Variants in NCR3LG1 observed in about 807,000 individuals in gnomAD.
NCR3LG1 encodes natural killer cell cytotoxicity receptor 3 ligand 1.
Under a neutral mutation model 34.8 loss-of-function variants are expected in NCR3LG1, and 35 were observed. That is an observed-to-expected ratio of 1.01 (90% CI 0.77 to 1.33). NCR3LG1 has a LOEUF of 1.33. Among genes scored for constraint, NCR3LG1 ranks in the 40% most tolerant of loss-of-function variants. NCR3LG1 has a pLI of 0.00. For synonymous variants in NCR3LG1, 173 were observed against 163.6 expected (o/e 1.06, Z -0.44); for missense variants, 452 against 423.3 (o/e 1.07, Z -0.60).
chr11:17,352,113 A>C, intron 1 of NCR3LG1, 74 bp downstream of exon 1: 1 of 1,022,252 alleles, frequency 9.8e-7, no homozygotes, highest in Non-Finnish European at 1.4e-6. Context: ...GCTCCCTAGC[A>C]TCCCGCCAGG....
intron 2 of NCR3LG1, among the ~76,000 whole-genome samples, chr11:17,357,480 C>G (rs891445664): frequency 2.0e-5 from 3 of 152,126 alleles, no homozygotes; most frequent in African/African-American, 7.2e-5. Flanking sequence ...TCTGGGAGGA[C>G]ATAAGAATTT....
rs1258481524 is a variant in NCR3LG1, at chr11:17,368,734, T to C, written c.761-133T>C. On this transcript the variant is annotated intron_variant, in intron 3 of 4. Transcript: ENST00000338965. Reference sequence around the variant, plus strand: ...TGATAGGAATGGAGATGCTGAGACATGTGGCAGAGGGCTGGTGGTTAAATC... The same window carrying C: ...TGATAGGAATGGAGATGCTGAGACACGTGGCAGAGGGCTGGTGGTTAAATC... 3 of 679,312 alleles carry C rather than the reference T, an allele frequency of 4.4e-6. No homozygotes were observed. The African/African-American group carries it at 5.5e-5, about 12-fold the overall frequency. 42.1% of individuals were successfully genotyped at this position (679,312 alleles called of 1,614,324 possible).
intron 2 of NCR3LG1, among the ~76,000 whole-genome samples, chr11:17,366,721 T>A (rs1953347853): frequency 6.6e-6 from 1 of 152,196 alleles, no homozygotes; most frequent in African/African-American, 2.4e-5. Context: ...TTGCATTCAG[T>A]CACTCACATG....
At chr11:17,360,418 T>C (rs1730228678) in intron 2 of NCR3LG1, among the ~76,000 whole-genome samples, 2 of 152,234 alleles carry the variant, frequency 1.3e-5, no homozygotes, top group Non-Finnish European at 2.9e-5. Context: ...TACATTTTTC[T>C]TTCATGGATC....
chr11:17,371,429 T>G (rs1953404595), intron 4 of NCR3LG1, among the ~76,000 whole-genome samples: 1 of 152,148 alleles, frequency 6.6e-6, no homozygotes, highest in Non-Finnish European at 1.5e-5. Flanking sequence ...AAACTCCTCT[T>G]TCAACAGCCA....
chr11:17,360,265 A>T lies in NCR3LG1; in HGVS notation c.421+3264A>T, dbSNP rs563457158. On this transcript the variant is annotated intron_variant, in intron 2 of 4. Transcript: ENST00000338965. Reference sequence around the variant, plus strand: ...ATTTTTTAAATTGTTGTGTTTTAAGAGTCCTTTGTACATTCTGGATACAAG... The same window carrying T: ...ATTTTTTAAATTGTTGTGTTTTAAGTGTCCTTTGTACATTCTGGATACAAG... Among the ~76,000 whole-genome samples the T allele has an allele frequency of 5.3e-5, 8 of 152,354 alleles. No homozygotes were observed. In the South Asian group the frequency reaches 1.7e-3, roughly 32 times the overall value.
chr11:17,351,901 T>G lies in NCR3LG1; in HGVS notation c.-69T>G, dbSNP rs1953138488. On this transcript the variant is annotated 5_prime_UTR_variant, in exon 1 of 5. Coordinates refer to ENST00000338965, the MANE Select transcript of NCR3LG1 (RefSeq NM_001202439.3). Reference sequence around the variant, plus strand: ...TCTTTACGCAACAGAGGTCTCCCCCTGCCCTTGGTTTCTACCGGGCCGCCT... The same window carrying G: ...TCTTTACGCAACAGAGGTCTCCCCCGGCCCTTGGTTTCTACCGGGCCGCCT... 2.4e-6 allele frequency: 3 copies of G among 1,239,314 alleles called. No individual in the cohort carries two copies. The highest frequency in any genetic ancestry group is 2.6e-5 in the South Asian group (2 of 77,664). The allele number at this position is 1,239,314 out of a possible 1,614,324, so 76.8% of individuals were successfully genotyped here.
At chr11:17,379,945 C>A (rs1953505315), downstream of NCR3LG1, among the ~76,000 whole-genome samples, 2 of 152,120 alleles carry the variant, frequency 1.3e-5, no homozygotes, top group South Asian at 4.1e-4. Flanking sequence ...TGGGCTCCAG[C>A]TACAGATCTC....
Position 17,374,754 on chromosome 11 carries a change from A to T in NCR3LG1, c.*2242A>T, listed in dbSNP as rs968969016. The T allele has an allele frequency of 6.6e-6, 1 of 152,188 alleles. No individual in the cohort carries two copies. Among genetic ancestry groups the T allele is most frequent in the Non-Finnish European group, 1.5e-5 (1 of 68,022 alleles). 9.4% of individuals were successfully genotyped at this position (152,188 alleles called of 1,614,324 possible). A position where few individuals can be genotyped will look rare whatever the true frequency, so the allele number is the denominator to read the frequency against. ...TATGATAAAATAGGTTGCCCTTTAT[A>T]TCACCTTATAAAAGAAATTCAAGTG... is the stretch of plus-strand genomic sequence containing the variant. On this transcript the variant is annotated 3_prime_UTR_variant, in exon 5 of 5. Coordinates refer to ENST00000338965, the MANE Select transcript of NCR3LG1 (RefSeq NM_001202439.3).
Position 17,366,999 on chromosome 11 carries a change from TCCC to T in NCR3LG1, c.422-9_422-7del. Reference sequence around the variant, plus strand: ...GGGCCCAACTCTGTATGATTTTTTTTCCCTGACAGCTTCCCCAGCCAGCAGATT... The same window carrying T: ...GGGCCCAACTCTGTATGATTTTTTTTTGACAGCTTCCCCAGCCAGCAGATT... On this transcript the variant is annotated splice_polypyrimidine_tract_variant and splice_region_variant and intron_variant, in intron 2 of 4. Coordinates refer to ENST00000338965, the MANE Select transcript of NCR3LG1 (RefSeq NM_001202439.3). 2.0e-6 allele frequency: 3 copies of T among 1,526,598 alleles called. No homozygotes were observed. In the Admixed American group the frequency reaches 5.9e-5, roughly 30 times the overall value. 94.6% of individuals were successfully genotyped at this position (1,526,598 alleles called of 1,614,324 possible).
At chr11:17,361,579 C>A (rs911371502) in intron 2 of NCR3LG1, among the ~76,000 whole-genome samples, 1 of 152,110 alleles carries the variant, frequency 6.6e-6, no homozygotes, top group Non-Finnish European at 1.5e-5. Flanking sequence ...GCCACCACAC[C>A]TGGCCAATGG....
Position 17,372,643 on chromosome 11 carries a change from T to G in NCR3LG1, c.*131T>G, listed in dbSNP as rs1953425259. 1 of 590,924 alleles carries G rather than the reference T, an allele frequency of 1.7e-6. No individual in the cohort carries two copies. The highest frequency in any genetic ancestry group is 3.0e-6 in the Non-Finnish European group (1 of 332,168). 36.6% of individuals were successfully genotyped at this position (590,924 alleles called of 1,614,324 possible). On this transcript the variant is annotated 3_prime_UTR_variant, in exon 5 of 5. Transcript: ENST00000338965. ...ATATAGAGGCTTTCCAAAACCTAAC[T>G]CAGGTGTTTGACCTTACTTGGGGTG...
At position 17,351,856 on chromosome 11, in the gene NCR3LG1, C is replaced by T; in HGVS notation, c.-114C>T. 1 of 827,676 alleles carries T rather than the reference C, an allele frequency of 1.2e-6. No individual in the cohort carries two copies. The highest frequency in any genetic ancestry group is 1.5e-5 in the South Asian group (1 of 66,256). The allele number at this position is 827,676 out of a possible 1,614,324, so 51.3% of individuals were successfully genotyped here. A position where few individuals can be genotyped will look rare whatever the true frequency, so the allele number is the denominator to read the frequency against. On this transcript the variant is annotated 5_prime_UTR_variant, in exon 1 of 5. Coordinates refer to ENST00000338965, the MANE Select transcript of NCR3LG1 (RefSeq NM_001202439.3). ...TGTGCAAAAGCGCCGGCTGGAAATCCCGGCTGTGTCTCCGTCAACTCTTTA... is the reference window on the plus strand; with the variant it reads ...TGTGCAAAAGCGCCGGCTGGAAATCTCGGCTGTGTCTCCGTCAACTCTTTA...
chr11:17,357,475 G>A (rs1311091823), intron 2 of NCR3LG1, among the ~76,000 whole-genome samples: 3 of 152,152 alleles, frequency 2.0e-5, no homozygotes, highest in East Asian at 1.9e-4. Flanking sequence ...GGAATTCTGG[G>A]AGGACATAAG....
At chr11:17,352,475 TG>T (rs1450096092) in intron 1 of NCR3LG1, among the ~76,000 whole-genome samples, 1 of 151,682 alleles carries the variant, frequency 6.6e-6, no homozygotes, top group African/African-American at 2.4e-5. Flanking sequence ...GCGCCCGGCC[TG>T]GGGGCTCTAT....
intron 4 of NCR3LG1, among the ~76,000 whole-genome samples, chr11:17,371,353 C>G (rs1953403852): frequency 6.6e-6 from 1 of 152,156 alleles, no homozygotes; most frequent in Non-Finnish European, 1.5e-5. Context: ...CTCTAGTTCC[C>G]TGATTCCTTT....
intron 2 of NCR3LG1, among the ~76,000 whole-genome samples, chr11:17,362,948 T>G (rs1193388606): frequency 8.0e-6 from 1 of 124,740 alleles, no homozygotes; most frequent in Non-Finnish European, 1.6e-5. Context: ...TCCTGCAACG[T>G]CTTGCTTTGC....
At chr11:17,352,206 A>G (rs1335078876) in intron 1 of NCR3LG1, among the ~76,000 whole-genome samples, 167 bp downstream of exon 1, 2 of 114,046 alleles carry the variant, frequency 1.8e-5, no homozygotes, top group African/African-American at 3.5e-5. Context: ...TTTGAGACGG[A>G]GTCTCGCTCT....
intron 2 of NCR3LG1, among the ~76,000 whole-genome samples, chr11:17,364,913 GA>G (rs1349506655): frequency 1.3e-5 from 2 of 152,100 alleles, no homozygotes; most frequent in African/African-American, 4.8e-5. Flanking sequence ...ATGGTGTTTT[GA>G]GCTCTAGCAT....
Sources: gnomAD v4.1 joint callset for allele counts (sites outside exome capture counted in the v4.1 genomes callset) on GRCh38, gnomAD v4.1.1 for gene constraint, MANE v1.5 for transcripts, NCBI Gene and HGNC (gene_info 2026-07-23, HGNC 2026-07-21) for gene names.